DST: variants seen among roughly 807,000 people sequenced by gnomAD.
DST encodes the protein dystonin.
In DST, 253 loss-of-function variants were observed where a neutral mutation model predicts 875.2. The ratio of observed to expected loss-of-function variants is 0.29; its 90% CI spans 0.26 to 0.32. DST has a LOEUF of 0.32. DST is among the 10% of genes least tolerant of loss of function. DST has a pLI of 1.00. For missense variants in DST, 8,287 were observed against 9,111.6 expected, an observed-to-expected ratio of 0.91 and a Z score of 3.68; for synonymous variants, 3,124 against 3,197.1, an observed-to-expected ratio of 0.98 and a Z score of 0.77.
At chr6:56,464,254 C>A in intron 100 of DST, 1 of 262,604 alleles carries the variant, frequency 3.8e-6, no homozygotes, top group Non-Finnish European at 7.4e-6. Flanking sequence ...TGATTGATGG[C>A]TTGTTAGTCA....
chr6:56,655,886 C>G (rs924721761), intron 10 of DST, among the ~76,000 whole-genome samples: 8 of 152,242 alleles, frequency 5.3e-5, no homozygotes, highest in Non-Finnish European at 8.8e-5. Context: ...AACTATATAT[C>G]TGCCTATCTC....
chr6:56,675,735 C>T (rs2099125299), intron 9 of DST, among the ~76,000 whole-genome samples: 1 of 152,006 alleles, frequency 6.6e-6, no homozygotes, highest in South Asian at 2.1e-4. Flanking sequence ...GCCTGTAATC[C>T]CAGCTACTCG....
At position 56,553,488 on chromosome 6, in the gene DST, C is replaced by A; in HGVS notation, c.15304G>T (p.Asp5102Tyr). 6.2e-7 allele frequency: 1 copy of A among 1,613,706 alleles called. No homozygotes were observed. The highest frequency in any genetic ancestry group is 8.5e-7 in the Non-Finnish European group (1 of 1,179,854). ...TGAGCGGTCAAAGTTTTACTAAAGT[C>A]TTTATGATCTTTAATTAATGACTCC... Reference protein sequence around the residue: ...VLESLIKDHKDFSKTLTAQSH... With the variant: ...VLESLIKDHKYFSKTLTAQSH... Residue 5102 changes from aspartate to tyrosine, a missense_variant, in exon 61 of 104, where the codon GAC becomes TAC. Asp to Tyr is a radical substitution (Grantham distance 160). This residue lies in a region of DST where 1,513 missense variants were observed against 1,677.8 expected (regional missense o/e 0.90). Coordinates refer to ENST00000680361, the MANE Select transcript of DST (RefSeq NM_001374736.1).
At chr6:56,769,741 C>T (rs2099644427) in intron 4 of DST, among the ~76,000 whole-genome samples, 1 of 151,978 alleles carries the variant, frequency 6.6e-6, no homozygotes, top group Non-Finnish European at 1.5e-5. Context: ...CACCTGAGCC[C>T]GGGAGGTCAA....
At chr6:56,783,822 A>G (rs983087654) in intron 4 of DST, among the ~76,000 whole-genome samples, 4 of 152,106 alleles carry the variant, frequency 2.6e-5, no homozygotes, top group Non-Finnish European at 5.9e-5. Flanking sequence ...CCTAGTCTCA[A>G]TGGTCTTTAC....
chr6:56,504,116 C>T lies in DST; in HGVS notation c.19465-18G>A, dbSNP rs1389812161. ...AATACCGCCTGAAAGACACATTCGC[C>T]CACGTGTTGTTACAACAGTACATTT... On this transcript the variant is annotated intron_variant, in intron 77 of 103. Coordinates refer to ENST00000680361, the MANE Select transcript of DST (RefSeq NM_001374736.1). 6.4e-7 allele frequency: 1 copy of T among 1,562,802 alleles called. No individual in the cohort carries two copies. The highest frequency in any genetic ancestry group is 2.3e-5 in the East Asian group (1 of 44,200).
Position 56,608,262 on chromosome 6 carries a change from ATCCAAACC to A in DST, c.6358_6365del (p.Gly2120CysfsTer3). On this transcript the variant is annotated frameshift_variant, in exon 40 of 104. Coordinates refer to ENST00000680361, the MANE Select transcript of DST (RefSeq NM_001374736.1). LOFTEE classifies it high-confidence loss of function. The stretch of plus-strand genomic sequence containing the variant: ...CTATAATTCCTAGCTGTTTAGCAGC[ATCCAAACC>A]AATGACTTGAGAACTTTCTGGAATA... 1.9e-6 allele frequency: 3 copies of A among 1,613,742 alleles called. No homozygotes were observed. The highest frequency in any genetic ancestry group is 2.5e-6 in the Non-Finnish European group (3 of 1,179,780).
At chr6:56,674,136 G>T (rs766929265) in intron 9 of DST, among the ~76,000 whole-genome samples, 1 of 152,156 alleles carries the variant, frequency 6.6e-6, no homozygotes, top group Non-Finnish European at 1.5e-5. Context: ...ATTCAGGTCA[G>T]ATTCTAGAAA....
chr6:56,661,540 A>C (rs2152813407), intron 10 of DST, among the ~76,000 whole-genome samples: 1 of 151,384 alleles, frequency 6.6e-6, no homozygotes, highest in Non-Finnish European at 1.5e-5. Flanking sequence ...AATCTCTAGG[A>C]GAGTGATAGG....
Position 56,946,187 on chromosome 6 carries a change from TGTTGTC to T in DST, c.216+7592_216+7597del, listed in dbSNP as rs1236973001. Among the ~76,000 whole-genome samples, 7 of 152,176 alleles carry T rather than the reference TGTTGTC, an allele frequency of 4.6e-5. No homozygotes were observed. The South Asian group carries it at 1.0e-3, about 23-fold the overall frequency. The stretch of plus-strand genomic sequence containing the variant: ...AGAAAGGGGCAGGGGATTAAGAGGG[TGTTGTC>T]TAGAAACCAGGAAGGAAATATCAAG... On this transcript the variant is annotated intron_variant, in intron 2 of 103. Transcript: ENST00000680361.
Position 56,544,762 on chromosome 6 carries a change from T to C in DST, c.16608+7422A>G, listed in dbSNP as rs191563105. Among the ~76,000 whole-genome samples the C allele has an allele frequency of 3.4e-3, 524 of 152,332 alleles. 1 individual carries two copies. Among genetic ancestry groups the C allele is most frequent in the Non-Finnish European group, 4.6e-3 (315 of 68,022 alleles). On this transcript the variant is annotated intron_variant, in intron 61 of 103. Transcript: ENST00000680361. Reference sequence around the variant, plus strand: ...TTTTTTATTGAACTGATTTTTATATTGATTCACATTAAGATTTGTGCTATT... The same window carrying C: ...TTTTTTATTGAACTGATTTTTATATCGATTCACATTAAGATTTGTGCTATT...
In DST at chr6:56,606,865, C is replaced by G; in HGVS notation, c.7763G>C (p.Ser2588Thr). 2.5e-6 allele frequency: 4 copies of G among 1,613,316 alleles called. No homozygotes were observed. Among genetic ancestry groups the G allele is most frequent in the Non-Finnish European group, 3.4e-6 (4 of 1,179,590 alleles). ...ATTCAGCAGTGACGTTTCATAGTCACTAGCACTGATGGTTTCATCAAGCAA... is the reference window on the plus strand; with the variant it reads ...ATTCAGCAGTGACGTTTCATAGTCAGTAGCACTGATGGTTTCATCAAGCAA... ...TPLLDETISA[S>T]DYETSLLNDQ... Residue 2588 changes from serine (S) to threonine (T), a missense_variant, in exon 40 of 104, where the codon AGT becomes ACT. Ser to Thr is a moderately conservative substitution (Grantham distance 58). Transcript: ENST00000680361.
At chr6:56,759,401 T>C (rs752735952) in intron 4 of DST, among the ~76,000 whole-genome samples, 6 of 152,054 alleles carry the variant, frequency 3.9e-5, no homozygotes, top group Non-Finnish European at 7.4e-5. Context: ...CAGTGAGCCA[T>C]GATTGCACCA....
chr6:56,831,130 A>T (rs2099786437), intron 4 of DST, among the ~76,000 whole-genome samples: 1 of 152,196 alleles, frequency 6.6e-6, no homozygotes, highest in Non-Finnish European at 1.5e-5. Flanking sequence ...ATGATCATCA[A>T]TCTAATTGAG....
intron 98 of DST, among the ~76,000 whole-genome samples, chr6:56,467,661 C>G (rs914997275): frequency 2.0e-5 from 3 of 152,016 alleles, no homozygotes; most frequent in African/African-American, 7.2e-5. Flanking sequence ...ATACTCAAAA[C>G]AAAAGTTATA....
intron 4 of DST, among the ~76,000 whole-genome samples, chr6:56,782,021 A>G (rs1447405496): frequency 6.6e-6 from 1 of 152,166 alleles, no homozygotes; most frequent in African/African-American, 2.4e-5. Context: ...ATGCTGCATT[A>G]CATTTATTGA....
At chr6:56,910,235 T>C (rs867865514) in intron 2 of DST, among the ~76,000 whole-genome samples, 7 of 152,154 alleles carry the variant, frequency 4.6e-5, no homozygotes, top group Non-Finnish European at 8.8e-5. Flanking sequence ...GGTGTGATCA[T>C]AGCTCACTGT....
intron 4 of DST, among the ~76,000 whole-genome samples, chr6:56,771,675 T>C (rs929024114): frequency 3.9e-5 from 6 of 152,266 alleles, no homozygotes; most frequent in Non-Finnish European, 7.4e-5. Flanking sequence ...AATGCACACA[T>C]GTAAGAGCAA....
At chr6:56,620,570 G>C in intron 36 of DST, 1 of 1,613,906 alleles carries the variant, frequency 6.2e-7, no homozygotes, top group South Asian at 1.1e-5. Context: ...CTCTACTCGG[G>C]ACTTTTGTTT....
Sources: allele counts gnomAD v4.1 joint callset (sites outside exome capture counted in the v4.1 genomes callset), GRCh38; gene constraint gnomAD v4.1.1; regional missense constraint gnomAD v4.1.1; transcripts MANE v1.5; gene names NCBI Gene and HGNC (gene_info 2026-07-23, HGNC 2026-07-21).